Variants in XXYLT1 observed in about 807,000 individuals in gnomAD.
The protein encoded by XXYLT1 is UDP-xylose:alpha-xyloside alpha-1,3-xylosyltransferase.
A neutral mutation model predicts 28.9 loss-of-function variants in XXYLT1; 20 were observed. The observed-to-expected ratio is 0.69, with a 90% CI of 0.49 to 1.00. The LOEUF (loss-of-function observed/expected upper bound fraction) is 1.00. Among genes scored for constraint, XXYLT1 ranks in the 50% least tolerant of loss-of-function variants. The pLI, the probability that XXYLT1 is intolerant of heterozygous loss-of-function variation, is 0.00. For synonymous variants in XXYLT1, 257 were observed against 253.8 expected, an observed-to-expected ratio of 1.01 and a Z score of -0.12; for missense variants, 542 against 560.1, an observed-to-expected ratio of 0.97 and a Z score of 0.33.
chr3:195,201,745 C>G (rs1350395593), intron 2 of XXYLT1, among the ~76,000 whole-genome samples: 1 of 152,096 alleles, frequency 6.6e-6, no homozygotes, highest in African/African-American at 2.4e-5. Flanking sequence ...ACCTGAGTGC[C>G]CAAGGGATAA....
Position 195,076,326 on chromosome 3 carries a change from G to A in XXYLT1, c.786-6215C>T, listed in dbSNP as rs114474829. Among the ~76,000 whole-genome samples the A allele has an allele frequency of 0.052, 7,527 of 145,296 alleles. 278 individuals carry two copies. The highest frequency in any genetic ancestry group is 0.15 in the East Asian group (656 of 4,408). ...GTTCCAGAGAGGAAGAAGCCCGCACGGGGTCACGGGGCCGACTGCGGCACA... is the reference window on the plus strand; with the variant it reads ...GTTCCAGAGAGGAAGAAGCCCGCACAGGGTCACGGGGCCGACTGCGGCACA... On this transcript the variant is annotated intron_variant, in intron 3 of 3. Transcript: ENST00000310380. The surrounding 1 kb of genome is among the most constrained non-coding windows in gnomAD (Gnocchi z 5.3).
At chr3:195,101,799 G>GA (rs967750177) in intron 3 of XXYLT1, among the ~76,000 whole-genome samples, 12 of 107,058 alleles carry the variant, frequency 1.1e-4, no homozygotes, top group Admixed American at 2.4e-4. Flanking sequence ...TATCTCTATT[G>GA]AAAAAAAAAG....
chr3:195,243,325 G>A (rs944562705), intron 1 of XXYLT1, among the ~76,000 whole-genome samples: 4 of 150,092 alleles, frequency 2.7e-5, no homozygotes, highest in East Asian at 2.0e-4. Context: ...AAACCTGCAC[G>A]TTGTACACAT....
intron 2 of XXYLT1, among the ~76,000 whole-genome samples, chr3:195,159,796 T>G (rs1044549781): frequency 6.6e-6 from 1 of 152,166 alleles, no homozygotes; most frequent in Non-Finnish European, 1.5e-5. Flanking sequence ...GAGGGCCACA[T>G]GCACGGCCCC....
rs189255816 is a variant in XXYLT1, at chr3:195,205,736, G to A, written c.652+20973C>T. 3.2e-3 allele frequency among the ~76,000 whole-genome samples: 490 copies of A among 152,246 alleles called. 4 individuals carry two copies. Among genetic ancestry groups the A allele is most frequent in the Admixed American group, 7.9e-3 (121 of 15,292 alleles). On this transcript the variant is annotated intron_variant, in intron 2 of 3. Transcript: ENST00000310380. ...AAATTAGCCAAATGTGGTGGCAGGC[G>A]ACTGTAATATCAGCTACTCGGGAGG...
chr3:195,088,990 G>C (rs1456296134), intron 3 of XXYLT1, among the ~76,000 whole-genome samples: 1 of 152,180 alleles, frequency 6.6e-6, no homozygotes, highest in Non-Finnish European at 1.5e-5. Context: ...ACAATAAAAA[G>C]AAATGAGCAA....
intron 1 of XXYLT1, among the ~76,000 whole-genome samples, chr3:195,261,062 C>G (rs1199802648): frequency 6.6e-6 from 1 of 152,244 alleles, no homozygotes; most frequent in Non-Finnish European, 1.5e-5. Context: ...CACCTGCTCT[C>G]AGCCTCAGGG....
In XXYLT1 at chr3:195,135,653, T is replaced by C. The variant is rs144816480; in HGVS notation, c.785+20796A>G. 8.0e-3 allele frequency among the ~76,000 whole-genome samples: 1,213 copies of C among 152,258 alleles called. 10 individuals carry two copies. The highest frequency in any genetic ancestry group is 0.028 in the African/African-American group (1,151 of 41,546). On this transcript the variant is annotated intron_variant, in intron 3 of 3. Coordinates refer to ENST00000310380, the MANE Select transcript of XXYLT1 (RefSeq NM_152531.5). ...AGAAGTCAGCTGCTTTTGCAGTACA[T>C]AGCAGGATGGGGTTCCTGTGACTGA...
intron 3 of XXYLT1, among the ~76,000 whole-genome samples, chr3:195,093,185 T>C (rs1716209143): frequency 1.1e-5 from 1 of 88,032 alleles, no homozygotes; most frequent in Non-Finnish European, 2.0e-5. Context: ...ACTGGGTATA[T>C]ACCCAAAGGA....
intron 3 of XXYLT1, among the ~76,000 whole-genome samples, chr3:195,071,190 C>T (rs1714784328): frequency 6.6e-6 from 1 of 152,216 alleles, no homozygotes; most frequent in Non-Finnish European, 1.5e-5. Flanking sequence ...AGGAGGCCCA[C>T]TGTGGCAGGG....
chr3:195,184,098 C>T (rs559234997), intron 2 of XXYLT1, among the ~76,000 whole-genome samples: 5 of 152,220 alleles, frequency 3.3e-5, no homozygotes, highest in Non-Finnish European at 7.3e-5. Flanking sequence ...CACTTAAACT[C>T]ATTTAATCAG....
intron 2 of XXYLT1, among the ~76,000 whole-genome samples, chr3:195,221,330 A>G (rs894820373): frequency 6.6e-6 from 1 of 152,100 alleles, no homozygotes; most frequent in Non-Finnish European, 1.5e-5. Flanking sequence ...GCCTGCCCTC[A>G]TTGCTGGACC....
In XXYLT1 at chr3:195,256,293, C is replaced by T. The variant is rs1440675486; in HGVS notation, c.504+14262G>A. On this transcript the variant is annotated intron_variant, in intron 1 of 3. Transcript: ENST00000310380. This position sits in a 1 kb window ranked among gnomAD's most constrained non-coding sequence, Gnocchi z 4.2. ...TTAAATGAGGGAGGAAAAGCAGGAT[C>T]CAGCATGGTGCCTGCCACCCAGGGT... 6.6e-6 allele frequency among the ~76,000 whole-genome samples: 1 copy of T among 152,176 alleles called. No homozygotes were observed. The highest frequency in any genetic ancestry group is 1.5e-5 in the Non-Finnish European group (1 of 68,018).
In XXYLT1 at chr3:195,270,448, G is replaced by A. The variant is rs1424238146; in HGVS notation, c.504+107C>T. ...CTACATTGCAAGCGGGCAGCTCAGG[G>A]AAGATCCTACCCGCTAGTTCCCCGG... On this transcript the variant is annotated intron_variant, in intron 1 of 3. Coordinates refer to ENST00000310380, the MANE Select transcript of XXYLT1 (RefSeq NM_152531.5). 6.0e-6 allele frequency: 8 copies of A among 1,342,028 alleles called. No homozygotes were observed. The Admixed American group carries it at 1.5e-4, about 26-fold the overall frequency. The allele number at this position is 1,342,028 out of a possible 1,614,324, so 83.1% of individuals were successfully genotyped here. A position where few individuals can be genotyped will look rare whatever the true frequency, so the allele number is the denominator to read the frequency against.
At chr3:195,262,896 C>G (rs1725737219) in intron 1 of XXYLT1, among the ~76,000 whole-genome samples, 2 of 152,216 alleles carry the variant, frequency 1.3e-5, no homozygotes, top group African/African-American at 2.4e-5. Flanking sequence ...ATGCACTGTT[C>G]TCTAAACACT....
intron 2 of XXYLT1, among the ~76,000 whole-genome samples, chr3:195,200,200 G>T (rs1412282765): frequency 2.0e-5 from 3 of 152,126 alleles, no homozygotes; most frequent in Non-Finnish European, 4.4e-5. Context: ...CGCGGTTCCA[G>T]ATCTGGCGCT....
chr3:195,157,142 CT>C (rs1720640869), intron 2 of XXYLT1, among the ~76,000 whole-genome samples: 1 of 148,242 alleles, frequency 6.7e-6, no homozygotes. Context: ...AGTCAGTAGG[CT>C]GAGGCAGGAG....
chr3:195,144,499 C>G (rs1425970603), intron 3 of XXYLT1, among the ~76,000 whole-genome samples: 1 of 152,098 alleles, frequency 6.6e-6, no homozygotes, highest in African/African-American at 2.4e-5. Flanking sequence ...GCCTCAGCCT[C>G]CCGAGTAGCT....
At chr3:195,177,936 T>TAAAAAAA (rs56022005) in intron 2 of XXYLT1, among the ~76,000 whole-genome samples, 1 of 115,654 alleles carries the variant, frequency 8.6e-6, no homozygotes, top group African/African-American at 3.6e-5. Context: ...CTCTGTCTCT[T>TAAAAAAA]AAAAAAAAAA....
Sources: gnomAD v4.1 joint callset for allele counts (sites outside exome capture counted in the v4.1 genomes callset) on GRCh38, gnomAD v4.1.1 for gene constraint, Gnocchi (gnomAD v3.1) non-coding constraint, MANE v1.5 for transcripts, NCBI Gene and HGNC (gene_info 2026-07-23, HGNC 2026-07-21) for gene names.